The following FHOD3 variants were observed in gnomAD, a reference collection of about 807,000 sequenced individuals.
FHOD3 encodes the protein FH1/FH2 domain-containing protein 3.
In FHOD3, 90 loss-of-function variants were observed where a neutral mutation model predicts 173.0. The ratio of observed to expected loss-of-function variants is 0.52; its 90% CI spans 0.44 to 0.62. FHOD3 has a LOEUF of 0.62. Among genes scored for constraint, FHOD3 ranks in the 20% least tolerant of loss-of-function variants. The pLI is 0.00. For synonymous variants in FHOD3, 828 were observed against 823.0 expected (o/e 1.01, Z -0.10); for missense variants, 1,945 against 2,034.7 (o/e 0.96, Z 0.85).
rs750588369 is a variant in FHOD3, at chr18:36,709,182, A to G, written c.2324A>G (p.Asp775Gly). 6.2e-7 allele frequency: 1 copy of G among 1,614,182 alleles called. No individual in the cohort carries two copies. The highest frequency in any genetic ancestry group is 1.1e-5 in the South Asian group (1 of 91,078). ...CAGGTTGCTGATGAAGCTGGCCAGGACATAGCCTCTGCCCACGAGGGTGCA... is the reference window on the plus strand; with the variant it reads ...CAGGTTGCTGATGAAGCTGGCCAGGGCATAGCCTCTGCCCACGAGGGTGCA... Reference protein sequence around the residue: ...AGQVADEAGQDIASAHEGAET... With the variant: ...AGQVADEAGQGIASAHEGAET... Residue 775 changes from aspartate to glycine, a missense_variant, in exon 18 of 29, where the codon GAC (aspartate) becomes GGC (glycine). Asp to Gly is a moderately conservative substitution (Grantham distance 94). Transcript: ENST00000590592.
chr18:36,639,052 C>A (rs2035091841), intron 10 of FHOD3, among the ~76,000 whole-genome samples: 1 of 152,154 alleles, frequency 6.6e-6, no homozygotes, highest in South Asian at 2.1e-4. Context: ...GACCTGGATC[C>A]ACCAAGGTCT....
intron 5 of FHOD3, among the ~76,000 whole-genome samples, chr18:36,573,718 A>G (rs999978942): frequency 1.3e-5 from 2 of 152,204 alleles, no homozygotes; most frequent in African/African-American, 4.8e-5. Flanking sequence ...TATGAGAAAC[A>G]TTTTACAAGT....
At chr18:36,744,829 G>A (rs926649296) in intron 23 of FHOD3, among the ~76,000 whole-genome samples, 3 of 152,250 alleles carry the variant, frequency 2.0e-5, no homozygotes, top group African/African-American at 7.2e-5. Flanking sequence ...GGGGGTCACT[G>A]AGGCTGACCA....
At chr18:36,322,428 A>G (rs16967744) in intron 1 of FHOD3, among the ~76,000 whole-genome samples, 21,256 of 152,012 alleles carry the variant, frequency 0.14, 3,983 homozygotes, top group African/African-American at 0.43. Flanking sequence ...ATCTCAGGTA[A>G]GGCCCCTTCT....
At chr18:36,386,973 A>G (rs931876709) in intron 3 of FHOD3, among the ~76,000 whole-genome samples, 1 of 152,218 alleles carries the variant, frequency 6.6e-6, no homozygotes, top group African/African-American at 2.4e-5. Flanking sequence ...CCTAGAATCT[A>G]AGATTAAATA....
At chr18:36,540,653 T>C (rs1278234069) in intron 5 of FHOD3, among the ~76,000 whole-genome samples, 1 of 152,040 alleles carries the variant, frequency 6.6e-6, no homozygotes, top group Admixed American at 6.5e-5. Context: ...TAGAAGAGTA[T>C]AGGGGGAGAA....
At chr18:36,346,470 T>A (rs1400202301) in intron 1 of FHOD3, among the ~76,000 whole-genome samples, 1 of 152,228 alleles carries the variant, frequency 6.6e-6, no homozygotes, top group Non-Finnish European at 1.5e-5. Flanking sequence ...TTAATGCAAA[T>A]GGTAAATGGT....
At chr18:36,685,898 A>G (rs764236001) in intron 15 of FHOD3, among the ~76,000 whole-genome samples, 3 of 152,222 alleles carry the variant, frequency 2.0e-5, no homozygotes, top group Non-Finnish European at 2.9e-5. Context: ...CAGGAACAGA[A>G]AAACAAAACA....
intron 9 of FHOD3, among the ~76,000 whole-genome samples, chr18:36,614,141 C>CA (rs2032964313): frequency 6.6e-6 from 1 of 152,196 alleles, no homozygotes; most frequent in Admixed American, 6.5e-5. Flanking sequence ...GAAACCCCCA[C>CA]ACCCATTAGC....
chr18:36,666,849 A>G lies in FHOD3; in HGVS notation c.1835+8661A>G, dbSNP rs137956802. On this transcript the variant is annotated intron_variant, in intron 14 of 28. Transcript: ENST00000590592. ...GTATGTGTACAACAGTGAAACCCTG[A>G]CCACAATGGAGATAATGTGCATATC... is the stretch of plus-strand genomic sequence containing the variant. 1.3e-4 allele frequency among the ~76,000 whole-genome samples: 20 copies of G among 152,290 alleles called. No homozygotes were observed. In the East Asian group the frequency reaches 3.7e-3, roughly 28 times the overall value.
intron 5 of FHOD3, among the ~76,000 whole-genome samples, chr18:36,512,782 A>T (rs2055733892): frequency 6.6e-6 from 1 of 152,242 alleles, no homozygotes; most frequent in African/African-American, 2.4e-5. Flanking sequence ...CACGCTTACT[A>T]GGAAAACTGT....
chr18:36,539,911 C>T (rs2057139237), intron 5 of FHOD3, among the ~76,000 whole-genome samples: 1 of 152,282 alleles, frequency 6.6e-6, no homozygotes, highest in African/African-American at 2.4e-5. Flanking sequence ...AGGAAACACA[C>T]TGCACATCCC....
intron 24 of FHOD3, among the ~76,000 whole-genome samples, chr18:36,750,821 C>G (rs1257396124): frequency 1.3e-5 from 2 of 152,154 alleles, no homozygotes; most frequent in African/African-American, 2.4e-5. Context: ...TCTGGGCTTT[C>G]TATTCTGTTC....
intron 3 of FHOD3, among the ~76,000 whole-genome samples, chr18:36,409,782 C>T (rs2049258283): frequency 6.6e-6 from 1 of 152,194 alleles, no homozygotes; most frequent in Non-Finnish European, 1.5e-5. Context: ...GTTGCTCTGG[C>T]AGCACAGTGG....
At chr18:36,454,984 T>G (rs184217727) in intron 3 of FHOD3, among the ~76,000 whole-genome samples, 24 of 152,314 alleles carry the variant, frequency 1.6e-4, no homozygotes, top group Non-Finnish European at 2.6e-4. Context: ...CACATGCCCA[T>G]GTATCTCTGT....
At chr18:36,434,434 C>T (rs1178042871) in intron 3 of FHOD3, among the ~76,000 whole-genome samples, 2 of 152,130 alleles carry the variant, frequency 1.3e-5, no homozygotes, top group Admixed American at 1.3e-4. Context: ...CATGCTTAGG[C>T]CGATGCTATA....
chr18:36,644,234 C>T lies in FHOD3; in HGVS notation c.1197-5082C>T, dbSNP rs192832334. Among the ~76,000 whole-genome samples, 131 of 152,272 alleles carry T rather than the reference C, an allele frequency of 8.6e-4. 2 individuals carry two copies. The East Asian group carries it at 0.023, about 26-fold the overall frequency. ...TGTGGAGGTATTGGAAAGCCAAAGGCCAAACACCCAGAATTCCTTAGCACA... is the reference window on the plus strand; with the variant it reads ...TGTGGAGGTATTGGAAAGCCAAAGGTCAAACACCCAGAATTCCTTAGCACA... On this transcript the variant is annotated intron_variant, in intron 10 of 28. Transcript: ENST00000590592.
chr18:36,352,449 G>C (rs2046174757), intron 1 of FHOD3, among the ~76,000 whole-genome samples: 1 of 152,190 alleles, frequency 6.6e-6, no homozygotes, highest in Non-Finnish European at 1.5e-5. Flanking sequence ...TAGAAATGCT[G>C]TATACTGGTG....
intron 14 of FHOD3, among the ~76,000 whole-genome samples, chr18:36,673,086 T>G (rs1267973858): frequency 3.9e-5 from 6 of 152,184 alleles, no homozygotes; most frequent in Non-Finnish European, 5.9e-5. Flanking sequence ...AGACTGTCAT[T>G]GACAGAAAAT....
Sources: gnomAD v4.1 joint callset for allele counts (sites outside exome capture counted in the v4.1 genomes callset) on GRCh38, gnomAD v4.1.1 for gene constraint, MANE v1.5 for transcripts, NCBI Gene and HGNC (gene_info 2026-07-23, HGNC 2026-07-21) for gene names.